SOX5: variants seen among roughly 807,000 people sequenced by gnomAD.
SOX5 encodes the protein transcription factor SOX-5.
Under a neutral mutation model 92.0 loss-of-function variants are expected in SOX5, and 9 were observed. The observed-to-expected ratio is 0.10, with a 90% CI of 0.06 to 0.17. SOX5 has a LOEUF of 0.17. Ranked by LOEUF, SOX5 falls within the 10% of genes least tolerant of loss-of-function variation. The pLI, the probability that SOX5 is intolerant of heterozygous loss-of-function variation, is 1.00. For missense variants in SOX5, 642 were observed against 944.5 expected (o/e 0.68, Z 4.20); for synonymous variants, 344 against 336.3 (o/e 1.02, Z -0.25).
chr12:24,200,350 A>G (rs1341168552), intron 4 of SOX5, among the ~76,000 whole-genome samples: 2 of 152,210 alleles, frequency 1.3e-5, no homozygotes, highest in Non-Finnish European at 2.9e-5. Context: ...TGATTAGATT[A>G]AATTTTAAGT....
intron 6 of SOX5, among the ~76,000 whole-genome samples, chr12:23,734,083 G>A (rs1199945893): frequency 6.6e-6 from 1 of 152,164 alleles, no homozygotes; most frequent in African/African-American, 2.4e-5. Flanking sequence ...AGACATCACT[G>A]GAAACTTTTT....
intron 1 of SOX5, among the ~76,000 whole-genome samples, chr12:23,902,265 T>G (rs1350948721): frequency 6.6e-6 from 1 of 152,172 alleles, no homozygotes; most frequent in Admixed American, 6.5e-5. Context: ...AGACTCAGAA[T>G]AGGGATTGCT....
At chr12:23,792,767 C>T (rs992672867) in intron 3 of SOX5, among the ~76,000 whole-genome samples, 1 of 150,456 alleles carries the variant, frequency 6.6e-6, no homozygotes, top group African/African-American at 2.4e-5. Flanking sequence ...GCTTTGACCT[C>T]ATCATCTGTT....
At chr12:23,709,128 G>T (rs1324440584) in intron 6 of SOX5, among the ~76,000 whole-genome samples, 3 of 152,056 alleles carry the variant, frequency 2.0e-5, no homozygotes, top group South Asian at 2.1e-4. Context: ...TTGAGATAGG[G>T]TCTTGCTCTG....
chr12:23,952,131 A>T (rs1218951991), upstream of SOX5, among the ~76,000 whole-genome samples: 1 of 152,148 alleles, frequency 6.6e-6, no homozygotes, highest in Non-Finnish European at 1.5e-5. Flanking sequence ...TGCTTATCTT[A>T]TATCAATAGA....
chr12:24,253,952 G>T (rs990648482), intron 3 of SOX5, among the ~76,000 whole-genome samples: 5 of 152,080 alleles, frequency 3.3e-5, no homozygotes, highest in African/African-American at 1.2e-4. Context: ...TAAAAATGTA[G>T]ATGATGGTAA....
chr12:23,739,205 C>T (rs2093708779), intron 5 of SOX5, among the ~76,000 whole-genome samples: 1 of 152,158 alleles, frequency 6.6e-6, no homozygotes, highest in African/African-American at 2.4e-5. Context: ...ATGCCCAGAA[C>T]ATGGAAGAGG....
intron 1 of SOX5, among the ~76,000 whole-genome samples, chr12:24,410,886 C>T (rs1329637996): frequency 6.6e-6 from 1 of 152,152 alleles, no homozygotes; most frequent in Admixed American, 6.5e-5. Flanking sequence ...TGTGTTAAGC[C>T]TGTGTGTCAG....
intron 2 of SOX5, among the ~76,000 whole-genome samples, chr12:23,884,574 C>A (rs913005091): frequency 8.5e-5 from 13 of 152,108 alleles, no homozygotes; most frequent in African/African-American, 2.7e-4. Context: ...CCTGCCTCCC[C>A]CACAAGTATT....
At position 24,099,969 on chromosome 12, in the gene SOX5, A is replaced by G. The variant is rs555011058; in HGVS notation, c.-2+113374T>C. 6.8e-4 allele frequency among the ~76,000 whole-genome samples: 104 copies of G among 152,280 alleles called. 1 individual carries two copies. Among genetic ancestry groups the G allele is most frequent in the African/African-American group, 2.4e-3 (101 of 41,574 alleles). ...AGCTCTGAAGTTACCTTCCAACTCTACTATTCTATGATGAGAAGCAAATTG... is the reference window on the plus strand; with the variant it reads ...AGCTCTGAAGTTACCTTCCAACTCTGCTATTCTATGATGAGAAGCAAATTG... On this transcript the variant is annotated intron_variant, in intron 4 of 4. Transcript: ENST00000446891.
At chr12:23,838,574 A>G (rs1205690300) in intron 3 of SOX5, among the ~76,000 whole-genome samples, 1 of 152,100 alleles carries the variant, frequency 6.6e-6, no homozygotes, top group Admixed American at 6.6e-5. Flanking sequence ...CCAATCTTTC[A>G]TAAATACTAC....
intron 1 of SOX5, among the ~76,000 whole-genome samples, chr12:24,394,590 T>C (rs76952182): frequency 0.013 from 1,998 of 152,278 alleles, 45 homozygotes; most frequent in African/African-American, 0.046. Flanking sequence ...TGGGTATCTA[T>C]CTTACTAAGG....
chr12:23,839,035 G>T lies in SOX5; in HGVS notation c.481+6948C>A, dbSNP rs1342589847. Among the ~76,000 whole-genome samples, 5 of 149,860 alleles carry T rather than the reference G, an allele frequency of 3.3e-5. No homozygotes were observed. In the Admixed American group the frequency reaches 3.3e-4, roughly 10 times the overall value. Reference sequence around the variant, plus strand: ...TTTTTTTTTTTGTATTTTTAGTAGAGACAGGGTTTTACCATGTTGGCCAGG... The same window carrying T: ...TTTTTTTTTTTGTATTTTTAGTAGATACAGGGTTTTACCATGTTGGCCAGG... On this transcript the variant is annotated intron_variant, in intron 3 of 14. Coordinates refer to ENST00000451604, the MANE Select transcript of SOX5 (RefSeq NM_006940.6).
intron 1 of SOX5, among the ~76,000 whole-genome samples, chr12:24,514,442 T>C (rs1184536840): frequency 6.6e-6 from 1 of 152,174 alleles, no homozygotes; most frequent in Non-Finnish European, 1.5e-5. Flanking sequence ...AGTTCAGTTG[T>C]TCCACCTGCC....
At chr12:23,968,172 G>C (rs890040000) in intron 4 of SOX5, among the ~76,000 whole-genome samples, 37 of 152,264 alleles carry the variant, frequency 2.4e-4, no homozygotes, top group Admixed American at 2.2e-3. Context: ...TAACTTCAAA[G>C]GGATGTCTGC....
chr12:23,902,188 C>T (rs975586314), intron 1 of SOX5, among the ~76,000 whole-genome samples: 10 of 152,122 alleles, frequency 6.6e-5, no homozygotes, highest in Admixed American at 3.9e-4. Flanking sequence ...TTCTTTGGTA[C>T]AATTATTCTG....
intron 1 of SOX5, among the ~76,000 whole-genome samples, chr12:24,379,439 T>A (rs188060959): frequency 2.0e-5 from 3 of 152,284 alleles, no homozygotes; most frequent in Admixed American, 1.3e-4. Flanking sequence ...CCCCTAGCAA[T>A]TGAGATTATA....
At chr12:24,421,347 AG>A (rs1965880682) in intron 1 of SOX5, among the ~76,000 whole-genome samples, 1 of 152,176 alleles carries the variant, frequency 6.6e-6, no homozygotes, top group African/African-American at 2.4e-5. Flanking sequence ...AAAAATGACA[AG>A]AAAAAAAGTA....
chr12:24,036,049 G>A (rs1956000061), intron 4 of SOX5, among the ~76,000 whole-genome samples: 1 of 151,990 alleles, frequency 6.6e-6, no homozygotes, highest in South Asian at 2.1e-4. Flanking sequence ...AACACACGCA[G>A]AAAATTCTTA....
Sources: gnomAD v4.1 joint callset for allele counts (sites outside exome capture counted in the v4.1 genomes callset) on GRCh38, gnomAD v4.1.1 for gene constraint, MANE v1.5 for transcripts, NCBI Gene and HGNC (gene_info 2026-07-23, HGNC 2026-07-21) for gene names.